Variants in IGSF11 observed in about 807,000 individuals in gnomAD.
IGSF11 encodes the protein CXADR like 1.
In IGSF11, 22 loss-of-function variants were observed where a neutral mutation model predicts 41.0. That is an observed-to-expected ratio of 0.54 (90% CI 0.38 to 0.77). IGSF11 has a LOEUF of 0.77. IGSF11 is among the 30% of genes least tolerant of loss of function. The pLI is 0.00. For missense variants in IGSF11, 444 were observed against 530.8 expected (o/e 0.84, Z 1.61); for synonymous variants, 219 against 201.3 (o/e 1.09, Z -0.74).
intron 1 of IGSF11, among the ~76,000 whole-genome samples, chr3:118,995,285 C>T (rs193190045): frequency 3.6e-4 from 55 of 151,968 alleles, no homozygotes; most frequent in Non-Finnish European, 5.6e-4. Flanking sequence ...CATAGTAACC[C>T]GAGACGAAAG....
chr3:118,956,401 C>T (rs1210220359), intron 1 of IGSF11, among the ~76,000 whole-genome samples: 2 of 152,180 alleles, frequency 1.3e-5, no homozygotes, highest in African/African-American at 2.4e-5. Context: ...TTTCAACATG[C>T]CTTCCTCACT....
intron 1 of IGSF11, among the ~76,000 whole-genome samples, chr3:118,998,409 A>C (rs1936477995): frequency 6.6e-6 from 1 of 152,280 alleles, no homozygotes; most frequent in Middle Eastern, 3.4e-3. Flanking sequence ...CCAGCTCTGT[A>C]TATTGCATTA....
In IGSF11 at chr3:118,901,296, G is replaced by C. The variant is rs981830069; in HGVS notation, c.*1224C>G. 6.6e-6 allele frequency: 1 copy of C among 152,180 alleles called. No individual in the cohort carries two copies. Among genetic ancestry groups the C allele is most frequent in the Non-Finnish European group, 1.5e-5 (1 of 68,048 alleles). The allele number at this position is 152,180 out of a possible 1,614,324, so 9.4% of individuals were successfully genotyped here. A position where few individuals can be genotyped will look rare whatever the true frequency, so the allele number is the denominator to read the frequency against. ...TAATCTCTTTACAGTGATGTAAAAT[G>C]CATCTGGGCAACACTGCAACCCTGA... On this transcript the variant is annotated 3_prime_UTR_variant, in exon 7 of 7. Coordinates refer to ENST00000393775, the MANE Select transcript of IGSF11 (RefSeq NM_001015887.3).
At chr3:118,937,296 T>C (rs1042423799) in intron 1 of IGSF11, among the ~76,000 whole-genome samples, 5 of 152,236 alleles carry the variant, frequency 3.3e-5, no homozygotes, top group African/African-American at 1.2e-4. Context: ...TTAAGTTTTA[T>C]AGTTTATCAG....
chr3:119,045,572 C>T (rs1426386757), intron 1 of IGSF11, among the ~76,000 whole-genome samples: 7 of 152,090 alleles, frequency 4.6e-5, no homozygotes, highest in African/African-American at 4.8e-5. Flanking sequence ...GGGGGAGGGG[C>T]GCCCACCATT....
chr3:119,000,742 T>C (rs1055302114), intron 1 of IGSF11, among the ~76,000 whole-genome samples: 1 of 152,194 alleles, frequency 6.6e-6, no homozygotes, highest in African/African-American at 2.4e-5. Context: ...AACAATTGCA[T>C]TGAAACACAT....
At chr3:119,131,698 G>C (rs2107539829) in intron 1 of IGSF11, among the ~76,000 whole-genome samples, 1 of 152,164 alleles carries the variant, frequency 6.6e-6, no homozygotes, top group South Asian at 2.1e-4. Flanking sequence ...GAAATACAGA[G>C]AACACCACAA....
chr3:119,059,203 A>ACACACAC (rs1389647315), intron 1 of IGSF11, among the ~76,000 whole-genome samples: 1 of 151,452 alleles, frequency 6.6e-6, no homozygotes, highest in East Asian at 1.9e-4. Flanking sequence ...ACACACACAC[A>ACACACAC]CACACCACAC....
Position 118,956,015 on chromosome 3 carries a change from C to T in IGSF11, c.53-25740G>A, listed in dbSNP as rs561292614. On this transcript the variant is annotated intron_variant, in intron 1 of 6. Transcript: ENST00000393775. The stretch of plus-strand genomic sequence containing the variant: ...AGAACTTCTGCATAACTTGCTGCAG[C>T]TTCTAAATCAGCACTTGCTGCTTTA... Among the ~76,000 whole-genome samples the T allele has an allele frequency of 6.0e-4, 92 of 152,320 alleles. 2 individuals are homozygous for T. The South Asian group carries it at 0.019, about 31-fold the overall frequency.
chr3:118,974,387 AG>A (rs1279277660), intron 1 of IGSF11, among the ~76,000 whole-genome samples: 1 of 152,226 alleles, frequency 6.6e-6, no homozygotes, highest in African/African-American at 2.4e-5. Context: ...GCAACGGTTC[AG>A]TATTAGCAAT....
At chr3:119,010,810 T>C (rs1185929384) in intron 1 of IGSF11, among the ~76,000 whole-genome samples, 1 of 152,212 alleles carries the variant, frequency 6.6e-6, no homozygotes, top group Non-Finnish European at 1.5e-5. Context: ...CCATGAATGA[T>C]ATACCTTCCC....
At chr3:118,992,188 CACAA>C (rs1477995757) in intron 1 of IGSF11, among the ~76,000 whole-genome samples, 1 of 152,206 alleles carries the variant, frequency 6.6e-6, no homozygotes, top group African/African-American at 2.4e-5. Flanking sequence ...CAAAAATTAT[CACAA>C]ACAACCTATA....
intron 1 of IGSF11, among the ~76,000 whole-genome samples, chr3:119,047,336 G>C (rs1035551435): frequency 2.0e-5 from 3 of 152,244 alleles, no homozygotes; most frequent in African/African-American, 7.2e-5. Context: ...AAAAAGGCAG[G>C]AGTTGCAATC....
chr3:118,972,221 T>C (rs1933526981), intron 1 of IGSF11, among the ~76,000 whole-genome samples: 1 of 152,202 alleles, frequency 6.6e-6, no homozygotes, highest in Admixed American at 6.5e-5. Context: ...AAATGGCTAA[T>C]TATTCCTGTA....
At chr3:118,905,260 A>T (rs1282690890) in intron 5 of IGSF11, among the ~76,000 whole-genome samples, 42 of 152,208 alleles carry the variant, frequency 2.8e-4, no homozygotes, top group Admixed American at 2.7e-3. Context: ...AATTTTGCAG[A>T]TAAAAGAAAC....
intron 1 of IGSF11, among the ~76,000 whole-genome samples, chr3:119,005,022 G>C (rs1937343808): frequency 6.7e-6 from 1 of 149,506 alleles, no homozygotes; most frequent in African/African-American, 2.5e-5. Context: ...TATCCTTGTT[G>C]ACTTCCTGTC....
intron 4 of IGSF11, among the ~76,000 whole-genome samples, chr3:118,913,917 G>A (rs1032041105): frequency 1.3e-5 from 2 of 152,194 alleles, no homozygotes; most frequent in African/African-American, 4.8e-5. Flanking sequence ...TGAGAGTTAT[G>A]GTGGACTGAA....
At chr3:119,074,687 C>T (rs2107471820) in intron 1 of IGSF11, among the ~76,000 whole-genome samples, 1 of 151,550 alleles carries the variant, frequency 6.6e-6, no homozygotes, top group Admixed American at 6.6e-5. Context: ...CCTGTCTCTA[C>T]TAAAAATACA....
At chr3:119,106,959 G>T (rs1052923306), upstream of IGSF11, among the ~76,000 whole-genome samples, 2 of 152,022 alleles carry the variant, frequency 1.3e-5, no homozygotes, top group East Asian at 3.9e-4. Flanking sequence ...GGTGTATATG[G>T]TTCACATTTT....
Sources: gnomAD v4.1 joint callset for allele counts (sites outside exome capture counted in the v4.1 genomes callset) on GRCh38, gnomAD v4.1.1 for gene constraint, MANE v1.5 for transcripts, NCBI Gene and HGNC (gene_info 2026-07-23, HGNC 2026-07-21) for gene names.